Variants in PRKDC observed in about 807,000 individuals in gnomAD.
PRKDC encodes the protein protein kinase, DNA-activated, catalytic subunit.
PRKDC carries 82 observed loss-of-function variants against 486.9 expected under a neutral mutation model. That is an observed-to-expected ratio of 0.17 (90% CI 0.14 to 0.20). The LOEUF (loss-of-function observed/expected upper bound fraction) is 0.20, where lower values mean the gene tolerates loss of function less well. Ranked by LOEUF, PRKDC falls within the 10% of genes least tolerant of loss-of-function variation. The probability of loss-of-function intolerance (pLI) is 1.00; values close to 1 mark genes in which losing one functional copy is unlikely to be tolerated. For missense variants in PRKDC, 4,504 were observed against 5,038.2 expected (o/e 0.89, Z 3.21); for synonymous variants, 1,895 against 1,837.0 (o/e 1.03, Z -0.81).
intron 45 of PRKDC, among the ~76,000 whole-genome samples, chr8:47,860,290 A>C (rs2088646774): frequency 6.6e-6 from 1 of 152,252 alleles, no homozygotes; most frequent in South Asian, 2.1e-4. Flanking sequence ...AGGGGTTGAC[A>C]TTAAACAAAA....
rs537150417 is a variant in PRKDC, at chr8:47,858,294, A to G, written c.6465+222T>C. 1.2e-4 allele frequency among the ~76,000 whole-genome samples: 18 copies of G among 152,244 alleles called. No individual in the cohort carries two copies. The South Asian group carries it at 3.3e-3, about 28-fold the overall frequency. ...ACCACTTCTAACTCACGAGAGGTGAATTTACATATGTTAAAAACGATAAAA... is the reference window on the plus strand; with the variant it reads ...ACCACTTCTAACTCACGAGAGGTGAGTTTACATATGTTAAAAACGATAAAA... On this transcript the variant is annotated intron_variant, in intron 48 of 85. Coordinates refer to ENST00000314191, the MANE Select transcript of PRKDC (RefSeq NM_006904.7).
chr8:47,858,379 G>A, intron 48 of PRKDC, 137 bp downstream of exon 48: 1 of 790,328 alleles, frequency 1.3e-6, no homozygotes, highest in Non-Finnish European at 1.9e-6. Flanking sequence ...AAAATGTCAT[G>A]CTCTGCCCCT....
chr8:47,824,878 T>C (rs1307608455), intron 63 of PRKDC, among the ~76,000 whole-genome samples: 2 of 152,240 alleles, frequency 1.3e-5, no homozygotes, highest in Non-Finnish European at 2.9e-5. Context: ...AGCCAAGGAC[T>C]GCTCCCTCCT....
At position 47,860,879 on chromosome 8, in the gene PRKDC, T is replaced by C. The variant is rs187150303; in HGVS notation, c.6058+20A>G. On this transcript the variant is annotated intron_variant, in intron 45 of 85. Transcript: ENST00000314191. Reference sequence around the variant, plus strand: ...ACCCATCGATTTGAATCCTTTCTCATGATTTTGAAAACATCCTACCTGAAT... The same window carrying C: ...ACCCATCGATTTGAATCCTTTCTCACGATTTTGAAAACATCCTACCTGAAT... The C allele has an allele frequency of 1.4e-5, 22 of 1,578,968 alleles. No homozygotes were observed. The highest frequency in any genetic ancestry group is 1.8e-5 in the Admixed American group (1 of 56,690).
At chr8:47,775,984 C>A (rs2086602096) in intron 85 of PRKDC, among the ~76,000 whole-genome samples, 1 of 152,058 alleles carries the variant, frequency 6.6e-6, no homozygotes, top group Admixed American at 6.6e-5. Context: ...CCACCATGCC[C>A]AGCTAATTTT....
At chr8:47,875,915 T>C (rs1390266939) in intron 40 of PRKDC, among the ~76,000 whole-genome samples, 3 of 152,248 alleles carry the variant, frequency 2.0e-5, no homozygotes, top group African/African-American at 4.8e-5. Flanking sequence ...TGGTTAATTA[T>C]GATATTTTTA....
chr8:47,782,158 T>G lies in PRKDC; in HGVS notation c.11489+4A>C, dbSNP rs767484755. The G allele has an allele frequency of 1.2e-6, 2 of 1,612,860 alleles. No homozygotes were observed. Among genetic ancestry groups the G allele is most frequent in the Non-Finnish European group, 1.7e-6 (2 of 1,178,970 alleles). On this transcript the variant is annotated splice_donor_region_variant and intron_variant, in intron 80 of 85. Transcript: ENST00000314191. This position sits in a 1 kb window ranked among gnomAD's most constrained non-coding sequence, Gnocchi z 4.9. ...GGGGGAGCAGGGCGTGTGGCCGCCC[T>G]TACCTCAGGTAAGCCGCCTTCTCCT... is the stretch of plus-strand genomic sequence containing the variant.
At chr8:47,780,617 A>G (rs1261906442) in intron 80 of PRKDC, among the ~76,000 whole-genome samples, 4 of 152,186 alleles carry the variant, frequency 2.6e-5, no homozygotes, top group Admixed American at 2.6e-4. Context: ...CTCTCCTCCT[A>G]GTTTAAACTG....
rs751946247 is a variant in PRKDC, at chr8:47,834,297, CTCTTGTGGG to C, written c.8042_8050del (p.Ala2681_Arg2684delinsGly). 1 of 1,614,002 alleles carries C rather than the reference CTCTTGTGGG, an allele frequency of 6.2e-7. No individual in the cohort carries two copies. Among genetic ancestry groups the C allele is most frequent in the East Asian group, 2.2e-5 (1 of 44,872 alleles). The stretch of plus-strand genomic sequence containing the variant: ...GGGTGCTCTCTGTAACCTTTCACTC[CTCTTGTGGG>C]CAAACAGCAAGGAGTCAGATGAGGG... On this transcript the variant is annotated inframe_deletion, in exon 59 of 86. Coordinates refer to ENST00000314191, the MANE Select transcript of PRKDC (RefSeq NM_006904.7).
At chr8:47,825,654 A>T (rs2087723396) in intron 63 of PRKDC, among the ~76,000 whole-genome samples, 1 of 152,120 alleles carries the variant, frequency 6.6e-6, no homozygotes, top group Admixed American at 6.5e-5. Context: ...TGTTTGCTTC[A>T]CTTACTTAGC....
At chr8:47,940,179 T>C (rs1361776202) in intron 10 of PRKDC, among the ~76,000 whole-genome samples, 1 of 152,040 alleles carries the variant, frequency 6.6e-6, no homozygotes, top group Non-Finnish European at 1.5e-5. Flanking sequence ...CATCAATAAA[T>C]AGAGTTCAGA....
At chr8:47,899,482 A>C (rs1399812012) in intron 28 of PRKDC, among the ~76,000 whole-genome samples, 1 of 152,118 alleles carries the variant, frequency 6.6e-6, no homozygotes, top group Admixed American at 6.5e-5. Flanking sequence ...ATCTCTACTA[A>C]AAATACAAAA....
At chr8:47,956,796 G>A (rs1351715031) in intron 3 of PRKDC, among the ~76,000 whole-genome samples, 1 of 151,098 alleles carries the variant, frequency 6.6e-6, no homozygotes, top group Non-Finnish European at 1.5e-5. Flanking sequence ...CGCCCAGGCT[G>A]CAGTGAAGTT....
chr8:47,890,451 C>T lies in PRKDC; in HGVS notation c.3877G>A (p.Ala1293Thr). The change falls in exon 32 of 86, where the codon GCA (alanine) becomes ACA (threonine). Residue 1293 changes from alanine (A) to threonine (T), a missense_variant. Coordinates refer to ENST00000314191, the MANE Select transcript of PRKDC (RefSeq NM_006904.7). ...GTEAQSSLLK[A>T]VAFFLESIAM... ...ATGCTTTCTAAGAAGAAAGCCACTG[C>T]TTTCAAAAGTGAAGACTGGGCTTCA... 3 of 1,571,172 alleles carry T rather than the reference C, an allele frequency of 1.9e-6. No individual in the cohort carries two copies. Among genetic ancestry groups the T allele is most frequent in the Non-Finnish European group, 2.6e-6 (3 of 1,156,924 alleles).
At chr8:47,887,867 C>T (rs2089371252) in intron 34 of PRKDC, among the ~76,000 whole-genome samples, 162 bp from the exon 35 acceptor site, 1 of 152,124 alleles carries the variant, frequency 6.6e-6, no homozygotes, top group Non-Finnish European at 1.5e-5. Flanking sequence ...GTTGTTCTTG[C>T]TATTGTGAGA....
At position 47,789,186 on chromosome 8, in the gene PRKDC, AG is replaced by A; in HGVS notation, c.10722del (p.Leu3575Ter). The stretch of plus-strand genomic sequence containing the variant: ...AGTTCAGGATTAGAGAGCTGATCTA[AG>A]GCATTAATAAAATCTTGAATCACTC... ...QGGVIQDFIN[A>X]LDQLSNPELL... On this transcript the variant is annotated frameshift_variant, in exon 75 of 86. Coordinates refer to ENST00000314191, the MANE Select transcript of PRKDC (RefSeq NM_006904.7). LOFTEE classifies it high-confidence loss of function. 1 of 1,609,912 alleles carries A rather than the reference AG, an allele frequency of 6.2e-7. No homozygotes were observed. The highest frequency in any genetic ancestry group is 8.5e-7 in the Non-Finnish European group (1 of 1,178,232).
chr8:47,774,040 G>A lies in PRKDC; in HGVS notation c.*133C>T, dbSNP rs145799377. The A allele has an allele frequency of 5.7e-6, 5 of 876,962 alleles. No homozygotes were observed. In the African/African-American group the frequency reaches 6.8e-5, roughly 12 times the overall value. 54.3% of individuals were successfully genotyped at this position (876,962 alleles called of 1,614,324 possible). A position where few individuals can be genotyped will look rare whatever the true frequency, so the allele number is the denominator to read the frequency against. On this transcript the variant is annotated 3_prime_UTR_variant, in exon 86 of 86. Transcript: ENST00000314191. ...CATCATAATCTTGATTTAAACTCAT[G>A]CTACGAAACTGTAGCACAAAAGACA...
intron 39 of PRKDC, among the ~76,000 whole-genome samples, chr8:47,878,174 G>T (rs193126092): frequency 6.8e-6 from 1 of 146,280 alleles, no homozygotes; most frequent in Admixed American, 7.0e-5. Flanking sequence ...ACACGATCTC[G>T]GCTCACTGCA....
At chr8:47,930,888 G>A (rs752714250) in intron 16 of PRKDC, 101 bp from the exon 17 acceptor site, 6 of 1,149,330 alleles carry the variant, frequency 5.2e-6, no homozygotes, top group Admixed American at 2.9e-5. Context: ...CTGATGCTAC[G>A]AAGAAAGATT....
Sources: gnomAD v4.1 joint callset for allele counts (sites outside exome capture counted in the v4.1 genomes callset) on GRCh38, gnomAD v4.1.1 for gene constraint, Gnocchi (gnomAD v3.1) non-coding constraint, MANE v1.5 for transcripts, NCBI Gene and HGNC (gene_info 2026-07-23, HGNC 2026-07-21) for gene names.